The following HHLA2 variants were observed in gnomAD, a reference collection of about 807,000 sequenced individuals.
HHLA2 encodes the protein HERV-H LTR-associating protein 2.
HHLA2 carries 48 observed loss-of-function variants against 45.9 expected under a neutral mutation model. That is an observed-to-expected ratio of 1.05 (90% CI 0.83 to 1.33). The LOEUF is 1.33. HHLA2 is among the 40% of genes most tolerant of loss of function. The pLI is 0.00. For synonymous variants in HHLA2, 161 were observed against 173.9 expected, an observed-to-expected ratio of 0.93 and a Z score of 0.59; for missense variants, 462 against 494.3, an observed-to-expected ratio of 0.93 and a Z score of 0.62.
chr3:108,325,101 T>A (rs1274436263), intron 2 of HHLA2, among the ~76,000 whole-genome samples: 1 of 152,078 alleles, frequency 6.6e-6, no homozygotes, highest in Non-Finnish European at 1.5e-5. Context: ...GTCAGTGTGT[T>A]TTATTTATGT....
At chr3:108,353,615 G>C (rs781114195) in exon 5 of HHLA2, 1 of 1,613,760 alleles carries the variant, frequency 6.2e-7, no homozygotes, top group Non-Finnish European at 8.5e-7. Context: ...GGAAAGCCAA[G>C]ATCCCAGATA....
chr3:108,346,243 T>C (rs1363642224), intron 3 of HHLA2, among the ~76,000 whole-genome samples: 2 of 152,130 alleles, frequency 1.3e-5, no homozygotes, highest in Non-Finnish European at 2.9e-5. Context: ...ATCCCCTAAA[T>C]GGTGGGATTT....
intron 8 of HHLA2, among the ~76,000 whole-genome samples, chr3:108,365,834 G>T (rs2107494103): frequency 6.6e-6 from 1 of 152,302 alleles, no homozygotes; most frequent in South Asian, 2.1e-4. Context: ...CATTGATTTT[G>T]TATCCTGAGA....
exon 8 of HHLA2, chr3:108,362,389 G>A (rs1244732778): frequency 1.2e-6 from 2 of 1,612,768 alleles, no homozygotes; most frequent in East Asian, 2.2e-5. Context: ...ATGGATTTTG[G>A]TGCCCTCTGC....
chr3:108,351,929 C>T, intron 4 of HHLA2, 52 bp downstream of exon 3: 2 of 1,231,682 alleles, frequency 1.6e-6, no homozygotes, highest in Non-Finnish European at 2.4e-6. Context: ...CAGATAGAAA[C>T]ATGAGCACAC....
intron 1 of HHLA2, among the ~76,000 whole-genome samples, chr3:108,310,368 T>C (rs1171858861): frequency 6.6e-6 from 1 of 152,168 alleles, no homozygotes; most frequent in East Asian, 1.9e-4. Flanking sequence ...TACCTGTTAA[T>C]ATATTTGTGT....
At chr3:108,342,394 G>T (rs1270734559) in intron 3 of HHLA2, among the ~76,000 whole-genome samples, 2 of 151,392 alleles carry the variant, frequency 1.3e-5, no homozygotes, top group African/African-American at 4.9e-5. Flanking sequence ...CTCCTGAGTA[G>T]CTGGGATTAC....
chr3:108,325,606 TG>T (rs1223468774), intron 2 of HHLA2: 20 of 241,354 alleles, frequency 8.3e-5, no homozygotes, highest in Non-Finnish European at 1.5e-4. Context: ...CTAGAGTTTC[TG>T]CCTCCAAAGT....
chr3:108,348,409 G>A (rs915423529), intron 3 of HHLA2, among the ~76,000 whole-genome samples: 4 of 152,204 alleles, frequency 2.6e-5, no homozygotes, highest in African/African-American at 7.2e-5. Flanking sequence ...ATGCAGAAAA[G>A]AGCCGAGAGT....
intron 1 of HHLA2, among the ~76,000 whole-genome samples, chr3:108,304,848 C>T (rs2080904550): frequency 6.6e-6 from 1 of 152,158 alleles, no homozygotes; most frequent in Admixed American, 6.5e-5. Context: ...TCACTTAACC[C>T]TGCCTGCAGC....
intron 8 of HHLA2, among the ~76,000 whole-genome samples, chr3:108,371,047 GA>G (rs2082161239): frequency 1.3e-5 from 2 of 152,134 alleles, no homozygotes; most frequent in South Asian, 4.1e-4. Flanking sequence ...AAGTTGAAAT[GA>G]AGGAAAAAAT....
chr3:108,328,695 T>C (rs543911546), intron 3 of HHLA2, among the ~76,000 whole-genome samples: 2 of 152,220 alleles, frequency 1.3e-5, no homozygotes, highest in South Asian at 2.1e-4. Context: ...GGAGTGGCGT[T>C]TTTTACTTTG....
chr3:108,359,653 C>T (rs1360393856), intron 7 of HHLA2, among the ~76,000 whole-genome samples: 2 of 152,212 alleles, frequency 1.3e-5, no homozygotes, highest in African/African-American at 2.4e-5. Flanking sequence ...GATGGGGGAA[C>T]CTGAGGGTCA....
chr3:108,372,278 T>C (rs1247509457), intron 8 of HHLA2, among the ~76,000 whole-genome samples: 5 of 151,512 alleles, frequency 3.3e-5, no homozygotes, highest in South Asian at 2.1e-4. Flanking sequence ...TTGAAACCAA[T>C]GAGAACAAAG....
intron 6 of HHLA2, 70 bp from the exon 6 acceptor site, chr3:108,357,774 A>T: frequency 5.5e-6 from 7 of 1,281,188 alleles, no homozygotes; most frequent in Non-Finnish European, 7.6e-6. Context: ...TCTGCTTTCT[A>T]AGTGTAACTT....
chr3:108,374,167 T>C (rs1323634228), intron 8 of HHLA2, among the ~76,000 whole-genome samples: 10 of 150,066 alleles, frequency 6.7e-5, no homozygotes, highest in African/African-American at 2.2e-4. Context: ...CCCTCAGAAA[T>C]AATGCCGCAT....
At chr3:108,368,236 A>G (rs932075779) in intron 8 of HHLA2, among the ~76,000 whole-genome samples, 2 of 152,094 alleles carry the variant, frequency 1.3e-5, no homozygotes, top group Non-Finnish European at 2.9e-5. Flanking sequence ...AAAAACCAGT[A>G]CCAGCCACTG....
intron 2 of HHLA2, among the ~76,000 whole-genome samples, chr3:108,312,524 A>G (rs1398756433): frequency 6.6e-6 from 1 of 151,826 alleles, no homozygotes; most frequent in East Asian, 1.9e-4. Flanking sequence ...CCAGAGATTT[A>G]CCTTTGCCCA....
At chr3:108,299,317 C>T (rs1048943624) in intron 1 of HHLA2, among the ~76,000 whole-genome samples, 3 of 141,258 alleles carry the variant, frequency 2.1e-5, no homozygotes, top group Admixed American at 7.2e-5. Context: ...TTGTAAAAGA[C>T]CCAGAAAAAA....
Sources: allele counts gnomAD v4.1 joint callset (sites outside exome capture counted in the v4.1 genomes callset), GRCh38; gene constraint gnomAD v4.1.1; transcripts MANE v1.5; gene names NCBI Gene and HGNC (gene_info 2026-07-23, HGNC 2026-07-21).